The following TNC variants were observed in gnomAD, a reference collection of about 807,000 sequenced individuals.
TNC encodes tenascin C.
TNC carries 109 observed loss-of-function variants against 202.4 expected under a neutral mutation model. The ratio of observed to expected loss-of-function variants is 0.54; its 90% confidence interval spans 0.46 to 0.63. TNC has a LOEUF of 0.63. Among genes scored for constraint, TNC ranks in the 30% least tolerant of loss-of-function variants. TNC has a pLI of 0.00. For synonymous variants in TNC, 1,007 were observed against 1,089.7 expected, an observed-to-expected ratio of 0.92 and a Z score of 1.50; for missense variants, 2,756 against 2,833.3, an observed-to-expected ratio of 0.97 and a Z score of 0.62.
rs1482694574 is a variant in TNC, at chr9:115,076,463, G to A, written c.2787C>T (p.Pro929=). 1 of 1,614,056 alleles carries A rather than the reference G, an allele frequency of 6.2e-7. No individual in the cohort carries two copies. The highest frequency in any genetic ancestry group is 1.3e-5 in the African/African-American group (1 of 74,900). The stretch of plus-strand genomic sequence containing the variant: ...CCTCAGCGTGGTCCCCTCCAGAGAT[G>A]GGGGCATACTTAATTCTGTAACTGT... ...AIDSYRIKYA[P]ISGGDHAEVD... The change falls in exon 8 of 28, where the codon CCC becomes CCT. Residue 929 remains proline (P), a synonymous_variant. Transcript: ENST00000350763.
chr9:115,038,190 G>C (rs1053220886), intron 20 of TNC, 71 bp downstream of exon 20: 2 of 1,554,434 alleles, frequency 1.3e-6, no homozygotes, highest in Non-Finnish European at 1.7e-6. Context: ...GCAGGGAGAA[G>C]AGCGAATGGG....
chr9:115,067,289 T>C (rs1426192008), intron 10 of TNC, among the ~76,000 whole-genome samples: 1 of 152,166 alleles, frequency 6.6e-6, no homozygotes, highest in Non-Finnish European at 1.5e-5. Context: ...CAGAGCTAAG[T>C]GAAAATTAAA....
Position 115,026,703 on chromosome 9 carries a change from T to C in TNC, c.6170-8A>G, listed in dbSNP as rs535686346. 2 of 1,613,458 alleles carry C rather than the reference T, an allele frequency of 1.2e-6. No homozygotes were observed. The highest frequency in any genetic ancestry group is 4.5e-5 in the East Asian group (2 of 44,806). The stretch of plus-strand genomic sequence containing the variant: ...TGTTCAGGTTGTCCAGCCCTGTGGA[T>C]GACAGGCAAGGGTTGCTAAGAAGCA... On this transcript the variant is annotated splice_region_variant and splice_polypyrimidine_tract_variant and intron_variant, in intron 25 of 27. Coordinates refer to ENST00000350763, the MANE Select transcript of TNC (RefSeq NM_002160.4).
intron 2 of TNC, among the ~76,000 whole-genome samples, chr9:115,089,393 T>C (rs2482077): frequency 0.48 from 72,479 of 152,010 alleles, 17,709 homozygotes; most frequent in African/African-American, 0.57. Flanking sequence ...AGCAGCAAAA[T>C]TCCTTGAAAT....
At chr9:115,063,510 G>C (rs1038323547) in intron 12 of TNC, among the ~76,000 whole-genome samples, 2 of 152,092 alleles carry the variant, frequency 1.3e-5, no homozygotes, top group African/African-American at 4.8e-5. Context: ...TTCATTTACA[G>C]GTTGGGCTTT....
At chr9:115,074,003 T>A (rs1833659646) in intron 9 of TNC, 137 bp from the exon 10 acceptor site, 1 of 803,634 alleles carries the variant, frequency 1.2e-6, no homozygotes, top group South Asian at 1.8e-5. Flanking sequence ...GAGTCACATC[T>A]CTGGGTCTCT....
intron 22 of TNC, 70 bp from the exon 23 acceptor site, chr9:115,031,755 T>A: frequency 6.4e-7 from 1 of 1,558,756 alleles, no homozygotes; most frequent in Non-Finnish European, 8.7e-7. Context: ...AAGAAGTCAT[T>A]CTATTTATAA....
intron 15 of TNC, among the ~76,000 whole-genome samples, chr9:115,050,904 C>T (rs768672099): frequency 2.0e-5 from 3 of 150,836 alleles, no homozygotes; most frequent in Non-Finnish European, 4.4e-5. Context: ...GGTTTAGAAA[C>T]CACAAAAGCT....
In TNC at chr9:115,084,371, T is replaced by A. The variant is rs778780516; in HGVS notation, c.1969A>T (p.Thr657Ser). 1.2e-5 allele frequency: 20 copies of A among 1,614,062 alleles called. No individual in the cohort carries two copies. The highest frequency in any genetic ancestry group is 1.6e-5 in the Non-Finnish European group (19 of 1,180,032). ...TCCAGACCACCCTCGTGGGTGGGCG[T>A]GTACACGACAAGGTACTCTGTGACC... ...MRVTEYLVVY[T>S]PTHEGGLEMQ... The change falls in exon 4 of 28, where the codon ACG becomes TCG. Residue 657 changes from threonine to serine, a missense_variant. Coordinates refer to ENST00000350763, the MANE Select transcript of TNC (RefSeq NM_002160.4).
At chr9:115,114,796 C>T (rs1837335835) in intron 1 of TNC, among the ~76,000 whole-genome samples, 1 of 152,142 alleles carries the variant, frequency 6.6e-6, no homozygotes, top group Non-Finnish European at 1.5e-5. Context: ...ACGGAAAGAC[C>T]TCAGATGAGT....
chr9:115,076,647 C>G, intron 7 of TNC, 72 bp from the exon 8 acceptor site: 1 of 1,529,130 alleles, frequency 6.5e-7, no homozygotes, highest in Non-Finnish European at 8.9e-7. Context: ...ACAGCTCAAG[C>G]TGACATATGA....
chr9:115,109,642 G>A (rs530769567), intron 1 of TNC, among the ~76,000 whole-genome samples: 5 of 152,290 alleles, frequency 3.3e-5, no homozygotes, highest in African/African-American at 9.6e-5. Flanking sequence ...TCCCCAGACA[G>A]GACTCCTCTG....
intron 1 of TNC, 78 bp from the exon 2 acceptor site, chr9:115,091,232 T>C (rs1002374386): frequency 3.6e-6 from 2 of 558,354 alleles, no homozygotes; most frequent in African/African-American, 3.7e-5. Flanking sequence ...CAAGTGAATT[T>C]TGATTTTATA....
intron 16 of TNC, among the ~76,000 whole-genome samples, chr9:115,047,056 T>C (rs1831252863): frequency 6.6e-6 from 1 of 152,276 alleles, no homozygotes; most frequent in Non-Finnish European, 1.5e-5. Context: ...GCCCATCCCC[T>C]GCAAGACCTT....
rs1829297718 is a variant in TNC, at chr9:115,024,145, GA to G, written c.6332-10del. ...GTAGGCCATGGAGTCACCTGGGAGA[GA>G]CAGAAAATATGGACCTGAGAAATCT... is the stretch of plus-strand genomic sequence containing the variant. On this transcript the variant is annotated splice_polypyrimidine_tract_variant and intron_variant, in intron 26 of 27. Transcript: ENST00000350763. The G allele has an allele frequency of 3.7e-6, 6 of 1,610,508 alleles. No homozygotes were observed. The highest frequency in any genetic ancestry group is 5.1e-6 in the Non-Finnish European group (6 of 1,177,154).
chr9:115,077,240 TA>T (rs1026747771), intron 7 of TNC, among the ~76,000 whole-genome samples: 29 of 152,122 alleles, frequency 1.9e-4, no homozygotes, highest in African/African-American at 6.7e-4. Context: ...GTATTTTTAG[TA>T]GAGACGGGGT....
chr9:115,089,341 C>T (rs1340456657), intron 2 of TNC, among the ~76,000 whole-genome samples: 2 of 152,100 alleles, frequency 1.3e-5, no homozygotes, highest in Non-Finnish European at 2.9e-5. Flanking sequence ...ACTCATGTAG[C>T]TTTATCAACT....
chr9:115,093,764 A>G (rs2133779733), intron 1 of TNC, among the ~76,000 whole-genome samples: 1 of 152,314 alleles, frequency 6.6e-6, no homozygotes, highest in African/African-American at 2.4e-5. Context: ...CTCCAAGGCA[A>G]AGAGTTTAGG....
chr9:115,082,373 C>A (rs1362671587), intron 5 of TNC, among the ~76,000 whole-genome samples: 1 of 152,110 alleles, frequency 6.6e-6, no homozygotes, highest in African/African-American at 2.4e-5. Context: ...TGAGATGTAC[C>A]TTTATTTTGA....
Sources: gnomAD v4.1 joint callset for allele counts (sites outside exome capture counted in the v4.1 genomes callset) on GRCh38, gnomAD v4.1.1 for gene constraint, MANE v1.5 for transcripts, NCBI Gene and HGNC (gene_info 2026-07-23, HGNC 2026-07-21) for gene names.